DMD: variants seen among roughly 807,000 people sequenced by gnomAD.
The protein encoded by DMD is mutant dystrophin.
Under a neutral mutation model 330.1 loss-of-function variants are expected in DMD, and 63 were observed. The ratio of observed to expected loss-of-function variants is 0.19; its 90% CI spans 0.16 to 0.24. The LOEUF is 0.24. Ranked by LOEUF, DMD falls within the 10% of genes least tolerant of loss-of-function variation. DMD has a pLI of 1.00. For synonymous variants in DMD, 1,223 were observed against 959.8 expected, an observed-to-expected ratio of 1.27 and a Z score of -5.07; for missense variants, 3,344 against 2,684.1, an observed-to-expected ratio of 1.25 and a Z score of -5.43.
chrX:32,441,260 A>T lies in DMD; in HGVS notation c.3841T>A (p.Trp1281Arg). Residue 1281 changes from tryptophan (W) to arginine (R), a missense_variant, in exon 28 of 79, where the codon TGG (tryptophan) becomes AGG (arginine). Transcript: ENST00000357033. Reference protein sequence around the residue: ...LLSYLEKANKWLNEVEFKLKT... With the variant: ...LLSYLEKANKRLNEVEFKLKT... ...AGTTTAAATTCTACTTCATTTAGCC[A>T]CTTGTTTGCTTTCTCCAAGTATGAC... The T allele has an allele frequency of 8.3e-7, 1 of 1,209,226 alleles. No individual in the cohort carries two copies. Among genetic ancestry groups the T allele is most frequent in the Non-Finnish European group, 1.1e-6 (1 of 893,375 alleles).
At chrX:32,935,061 C>T (rs2089894225) in intron 2 of DMD, among the ~76,000 whole-genome samples, 1 of 112,952 alleles carries the variant, frequency 8.9e-6, no homozygotes, top group African/African-American at 3.2e-5. Context: ...TCACTGCAAG[C>T]TCCGCCTCCC....
At chrX:31,666,838 T>C (rs2081457594) in intron 53 of DMD, among the ~76,000 whole-genome samples, 1 of 111,937 alleles carries the variant, frequency 8.9e-6, no homozygotes, top group Non-Finnish European at 1.9e-5. Flanking sequence ...TCCACAGACA[T>C]GGCTATTTTT....
chrX:31,643,204 A>G (rs2079876714), intron 54 of DMD, among the ~76,000 whole-genome samples: 2 of 111,820 alleles, frequency 1.8e-5, no homozygotes, highest in African/African-American at 6.5e-5. Flanking sequence ...GATAAACTAT[A>G]TATGCTTTCT....
chrX:32,545,243 A>C lies in DMD; in HGVS notation c.2084T>G (p.Leu695Arg), dbSNP rs1556780761. 4.1e-6 allele frequency: 5 copies of C among 1,210,305 alleles called. No individual in the cohort carries two copies. Among genetic ancestry groups the C allele is most frequent in the Non-Finnish European group, 5.6e-6 (5 of 894,277 alleles). The change falls in exon 17 of 79, where the codon CTG (leucine) becomes CGG (arginine). Residue 695 changes from leucine to arginine, a missense_variant. By Grantham distance (102) the Leu-to-Arg change is moderately radical. Transcript: ENST00000357033. ...VTTVTTREQI[L>R]VKHAQEELPP... ...AAGTTCCTCTTGAGCATGCTTTACC[A>C]GGATCTGTTCCCTTGTGGTCACCGT... is the stretch of plus-strand genomic sequence containing the variant.
chrX:33,198,015 A>G (rs1442198335), intron 1 of DMD, among the ~76,000 whole-genome samples: 1 of 111,482 alleles, frequency 9.0e-6, no homozygotes, highest in East Asian at 2.8e-4. Context: ...GAATGGTTGT[A>G]CCATTTTACA....
At chrX:31,911,547 G>A (rs1167725805) in intron 47 of DMD, among the ~76,000 whole-genome samples, 1 of 102,165 alleles carries the variant, frequency 9.8e-6, no homozygotes, top group African/African-American at 3.5e-5. Context: ...TTTATTTTAT[G>A]TTTATTTTAG....
intron 2 of DMD, among the ~76,000 whole-genome samples, chrX:32,919,517 T>A (rs1252878384): frequency 8.9e-6 from 1 of 112,273 alleles, no homozygotes; most frequent in Non-Finnish European, 1.9e-5. Context: ...TTAGCTCTTT[T>A]ATTTTTTATG....
At chrX:32,847,583 G>T (rs1168354910) in intron 3 of DMD, among the ~76,000 whole-genome samples, 1 of 112,242 alleles carries the variant, frequency 8.9e-6, no homozygotes, top group Non-Finnish European at 1.9e-5. Flanking sequence ...ATTTGTTAGA[G>T]GTGATTCTGC....
At chrX:31,239,091 T>C (rs1218302863) in intron 63 of DMD, among the ~76,000 whole-genome samples, 3 of 112,238 alleles carry the variant, frequency 2.7e-5, no homozygotes, top group Non-Finnish European at 5.6e-5. Context: ...TTAACTAAGA[T>C]TCTGTGACTT....
At chrX:32,832,295 G>C (rs1334268968) in intron 4 of DMD, among the ~76,000 whole-genome samples, 1 of 111,328 alleles carries the variant, frequency 9.0e-6, no homozygotes, top group Non-Finnish European at 1.9e-5. Context: ...TTAAAAGTTT[G>C]AGTTGATTTC....
intron 54 of DMD, among the ~76,000 whole-genome samples, chrX:31,644,853 C>G (rs1272689457): frequency 9.0e-6 from 1 of 111,674 alleles, no homozygotes; most frequent in Non-Finnish European, 1.9e-5. Flanking sequence ...CAGGGTTACT[C>G]TACATGAGAA....
At chrX:32,844,593 T>A (rs1037911549) in intron 4 of DMD, among the ~76,000 whole-genome samples, 190 bp downstream of exon 4, 6 of 111,615 alleles carry the variant, frequency 5.4e-5, no homozygotes, top group African/African-American at 2.0e-4. Context: ...TGTGGCAGCA[T>A]GCATTTGCTT....
At chrX:31,423,250 A>C (rs1316765109) in intron 60 of DMD, among the ~76,000 whole-genome samples, 1 of 111,843 alleles carries the variant, frequency 8.9e-6, no homozygotes, top group Admixed American at 9.6e-5. Flanking sequence ...GTGATACTTA[A>C]GCAATAATAC....
chrX:31,970,359 T>C (rs2095387844), intron 44 of DMD, among the ~76,000 whole-genome samples: 1 of 110,701 alleles, frequency 9.0e-6, no homozygotes, highest in Non-Finnish European at 1.9e-5. Flanking sequence ...CTGATCCTCC[T>C]AGAGATTCAA....
intron 20 of DMD, among the ~76,000 whole-genome samples, chrX:32,485,824 A>G (rs778468922): frequency 2.3e-4 from 22 of 94,053 alleles, no homozygotes; most frequent in African/African-American, 8.1e-4. Flanking sequence ...GCCAAATGCA[A>G]CCTTCACATT....
intron 53 of DMD, among the ~76,000 whole-genome samples, chrX:31,671,996 T>C (rs1181312798): frequency 8.9e-6 from 1 of 112,072 alleles, no homozygotes; most frequent in Non-Finnish European, 1.9e-5. Flanking sequence ...AAGCTTAGGC[T>C]ACTGATTTCA....
chrX:31,153,636 C>T (rs181311966), intron 74 of DMD, among the ~76,000 whole-genome samples: 5 of 112,043 alleles, frequency 4.5e-5, no homozygotes, highest in African/African-American at 1.3e-4. Flanking sequence ...AATCAGAAGC[C>T]TACCAGGACA....
intron 25 of DMD, among the ~76,000 whole-genome samples, chrX:32,456,059 G>C (rs953205579): frequency 9.6e-6 from 1 of 104,701 alleles, no homozygotes; most frequent in African/African-American, 3.4e-5. Flanking sequence ...CTCTCTGGTT[G>C]AAACAACATT....
intron 7 of DMD, among the ~76,000 whole-genome samples, chrX:32,730,274 G>C (rs1265689453): frequency 2.7e-5 from 3 of 112,429 alleles, no homozygotes; most frequent in Admixed American, 9.4e-5. Flanking sequence ...TGACTCAGGA[G>C]TTGGAGGCCT....
Sources: allele counts gnomAD v4.1 joint callset (sites outside exome capture counted in the v4.1 genomes callset), GRCh38; gene constraint gnomAD v4.1.1; transcripts MANE v1.5; gene names NCBI Gene and HGNC (gene_info 2026-07-23, HGNC 2026-07-21).